The following SMOC2 variants were observed in gnomAD, a reference collection of about 807,000 sequenced individuals.
The protein encoded by SMOC2 is SPARC related modular calcium binding 2.
Under a neutral mutation model 61.4 loss-of-function variants are expected in SMOC2, and 39 were observed. The observed-to-expected ratio is 0.64, with a 90% confidence interval of 0.49 to 0.83. SMOC2 has a LOEUF of 0.83. SMOC2 is among the 40% of genes least tolerant of loss of function. The probability of loss-of-function intolerance (pLI) is 0.00; values close to 1 mark genes in which losing one functional copy is unlikely to be tolerated. For missense variants in SMOC2, 556 were observed against 592.9 expected, an observed-to-expected ratio of 0.94 and a Z score of 0.65; for synonymous variants, 247 against 239.9, an observed-to-expected ratio of 1.03 and a Z score of -0.27.
chr6:168,557,742 C>G (rs1269906040), intron 7 of SMOC2, among the ~76,000 whole-genome samples: 1 of 152,104 alleles, frequency 6.6e-6, no homozygotes. Context: ...GTTGACGTCA[C>G]CAGTTGCTCA....
chr6:168,450,795 G>A (rs1158326604), intron 1 of SMOC2, among the ~76,000 whole-genome samples: 3 of 152,168 alleles, frequency 2.0e-5, no homozygotes, highest in Non-Finnish European at 4.4e-5. Flanking sequence ...AAACCCGAAC[G>A]TGACCTTGTG....
chr6:168,573,971 T>A (rs1407436420), intron 7 of SMOC2, among the ~76,000 whole-genome samples: 2 of 152,192 alleles, frequency 1.3e-5, no homozygotes, highest in Non-Finnish European at 2.9e-5. Context: ...AAGGGGCACG[T>A]GCCCTTCTCT....
At chr6:168,546,294 A>T (rs1240768418) in intron 5 of SMOC2, among the ~76,000 whole-genome samples, 1 of 146,344 alleles carries the variant, frequency 6.8e-6, no homozygotes, top group Non-Finnish European at 1.5e-5. Flanking sequence ...TCCTGAGAGC[A>T]CCACAGTGCC....
chr6:168,441,407 G>A lies in SMOC2; in HGVS notation c.37G>A (p.Ala13Thr). 6.6e-7 allele frequency: 1 copy of A among 1,509,058 alleles called. No homozygotes were observed. The highest frequency in any genetic ancestry group is 8.8e-7 in the Non-Finnish European group (1 of 1,133,542). 93.5% of individuals were successfully genotyped at this position (1,509,058 alleles called of 1,614,324 possible). Residue 13 changes from alanine to threonine, a missense_variant, in exon 1 of 13, where the codon GCT becomes ACT. Ala to Thr is a moderately conservative substitution (Grantham distance 58, BLOSUM62 0). Coordinates refer to ENST00000356284, the MANE Select transcript of SMOC2 (RefSeq NM_001166412.2). ...CCAGCTCTGCTGGCTGCCGCTGCTC[G>A]CTGGGCTGCTCCCGCCGGTGCCCGC... ...LPQLCWLPLL[A>T]GLLPPVPAQK...
At position 168,650,760 on chromosome 6, in the gene SMOC2, C is replaced by T. The variant is rs748431327; in HGVS notation, c.987C>T (p.Ser329=). The T allele has an allele frequency of 1.3e-5, 21 of 1,612,270 alleles. No homozygotes were observed. Among genetic ancestry groups the T allele is most frequent in the Middle Eastern group, 1.6e-4 (1 of 6,084 alleles). The change falls in exon 10 of 13, where the codon TCC becomes TCT. Residue 329 remains serine (S), a synonymous_variant. Transcript: ENST00000356284. Reference sequence around the variant, plus strand: ...CCACGGACATGGTCCACGCCGCCTCCGACCCCTCCTCCTCGTCAGGCAGGT... The same window carrying T: ...CCACGGACATGGTCCACGCCGCCTCTGACCCCTCCTCCTCGTCAGGCAGGT... ...ALSTDMVHAA[S]DPSSSSGRLS... is the part of the protein sequence containing the mutation.
chr6:168,515,890 C>T (rs1250421309), intron 2 of SMOC2, among the ~76,000 whole-genome samples: 2 of 152,362 alleles, frequency 1.3e-5, no homozygotes, highest in Middle Eastern at 3.4e-3. Flanking sequence ...GAATTTTCTT[C>T]CCTGAAGGTA....
At chr6:168,570,073 T>C (rs6455531) in intron 7 of SMOC2, among the ~76,000 whole-genome samples, 60,719 of 150,960 alleles carry the variant, frequency 0.4, 13,271 homozygotes, top group African/African-American at 0.58. Context: ...TGTGTGCGGA[T>C]GTCCCGTCGT....
At chr6:168,571,313 G>A (rs929235328) in intron 7 of SMOC2, among the ~76,000 whole-genome samples, 1 of 152,206 alleles carries the variant, frequency 6.6e-6, no homozygotes, top group Non-Finnish European at 1.5e-5. Context: ...GTGGGTGTGT[G>A]AATACTGTAT....
At chr6:168,586,797 GT>G (rs1785055330) in intron 7 of SMOC2, among the ~76,000 whole-genome samples, 1 of 152,102 alleles carries the variant, frequency 6.6e-6, no homozygotes, top group South Asian at 2.1e-4. Flanking sequence ...AATAGAAGTA[GT>G]TTTTGTAGAT....
intron 2 of SMOC2, among the ~76,000 whole-genome samples, chr6:168,519,933 A>G (rs2609296): frequency 0.88 from 134,151 of 152,216 alleles, 60,316 homozygotes; most frequent in East Asian, 0.99. Flanking sequence ...ACATATTTAG[A>G]GATTTCCTAT....
At chr6:168,592,041 T>G (rs1325422774) in intron 7 of SMOC2, among the ~76,000 whole-genome samples, 1 of 152,248 alleles carries the variant, frequency 6.6e-6, no homozygotes, top group East Asian at 1.9e-4. Flanking sequence ...TTTGGTTCCT[T>G]GTCCCCACTT....
chr6:168,519,940 C>G (rs1234266192), intron 2 of SMOC2, among the ~76,000 whole-genome samples: 1 of 152,108 alleles, frequency 6.6e-6, no homozygotes, highest in African/African-American at 2.4e-5. Flanking sequence ...TAGAGATTTC[C>G]TATTATAATT....
intron 7 of SMOC2, among the ~76,000 whole-genome samples, chr6:168,584,967 AT>A (rs1018765166): frequency 6.6e-6 from 1 of 152,128 alleles, no homozygotes; most frequent in Admixed American, 6.5e-5. Flanking sequence ...CATACATTAC[AT>A]TTTTTTAAAA....
intron 1 of SMOC2, among the ~76,000 whole-genome samples, chr6:168,443,378 G>A (rs565914930): frequency 7.2e-5 from 11 of 152,324 alleles, no homozygotes; most frequent in African/African-American, 2.6e-4. Flanking sequence ...CCCCAAGGAT[G>A]TCTTGGGTTG....
At chr6:168,618,140 A>T (rs1324021298) in intron 9 of SMOC2, among the ~76,000 whole-genome samples, 15 of 152,262 alleles carry the variant, frequency 9.9e-5, no homozygotes. Context: ...CAGTGCTCCA[A>T]CAGGACCCTC....
At chr6:168,577,287 C>T (rs949690734) in intron 7 of SMOC2, among the ~76,000 whole-genome samples, 5 of 151,812 alleles carry the variant, frequency 3.3e-5, no homozygotes, top group African/African-American at 9.7e-5. Context: ...ATGCTTGTTC[C>T]GTCTAAACGC....
At chr6:168,603,725 C>A (rs73262516) in intron 8 of SMOC2, among the ~76,000 whole-genome samples, 9 of 57,104 alleles carry the variant, frequency 1.6e-4, no homozygotes, top group African/African-American at 1.5e-4. Context: ...AAAAAAAAAA[C>A]CAGTAATCCA....
At chr6:168,523,722 A>G (rs571045781) in intron 2 of SMOC2, among the ~76,000 whole-genome samples, 1 of 152,258 alleles carries the variant, frequency 6.6e-6, no homozygotes, top group East Asian at 1.9e-4. Context: ...TTAAAAAATT[A>G]TGTTGCTTAT....
At chr6:168,560,527 G>C (rs1350772409) in intron 7 of SMOC2, among the ~76,000 whole-genome samples, 1 of 145,190 alleles carries the variant, frequency 6.9e-6, no homozygotes, top group Non-Finnish European at 1.5e-5. Flanking sequence ...TGCGTTCTTG[G>C]AGGAGGTGTC....
Sources: gnomAD v4.1 joint callset for allele counts (sites outside exome capture counted in the v4.1 genomes callset) on GRCh38, gnomAD v4.1.1 for gene constraint, MANE v1.5 for transcripts, NCBI Gene and HGNC (gene_info 2026-07-23, HGNC 2026-07-21) for gene names.